The following LEF1 variants were observed in gnomAD, a reference collection of about 807,000 sequenced individuals.
LEF1 encodes lymphoid enhancer binding factor 1.
LEF1 carries 14 observed loss-of-function variants against 51.2 expected under a neutral mutation model. That is an observed-to-expected ratio of 0.27 (90% CI 0.18 to 0.43). The LOEUF is 0.43. Among genes scored for constraint, LEF1 ranks in the 20% least tolerant of loss-of-function variants. The pLI is 1.00. For missense variants in LEF1, 386 were observed against 512.0 expected, an observed-to-expected ratio of 0.75 and a Z score of 2.37; for synonymous variants, 185 against 183.2, an observed-to-expected ratio of 1.01 and a Z score of -0.08.
chr4:108,116,890 T>C (rs889913404), intron 3 of LEF1, among the ~76,000 whole-genome samples: 11 of 152,228 alleles, frequency 7.2e-5, no homozygotes, highest in Non-Finnish European at 1.3e-4. Flanking sequence ...GCTGGGCACA[T>C]CATAAGCACT....
chr4:108,085,553 C>G (rs1457532113), intron 4 of LEF1, among the ~76,000 whole-genome samples: 2 of 152,192 alleles, frequency 1.3e-5, no homozygotes, highest in Non-Finnish European at 2.9e-5. Flanking sequence ...CCGTACTACT[C>G]CATGTTCTAA....
rs200675002 is a variant in LEF1 at position 108,048,756 on chromosome 4, A to G, written c.*7-5T>C. On this transcript the variant is annotated splice_polypyrimidine_tract_variant and splice_region_variant and intron_variant, in intron 11 of 11. Coordinates refer to ENST00000265165, the MANE Select transcript of LEF1 (RefSeq NM_016269.5). ...GGAATGAGCTTCGTTTTCCACCTCA[A>G]GAAGGAACAAATGAAATGCTATTAA... The G allele has an allele frequency of 8.1e-6, 13 of 1,597,358 alleles. No homozygotes were observed. Among genetic ancestry groups the G allele is most frequent in the Admixed American group, 1.7e-5 (1 of 58,276 alleles).
At chr4:108,127,395 A>G (rs771687559) in intron 3 of LEF1, among the ~76,000 whole-genome samples, 1 of 152,230 alleles carries the variant, frequency 6.6e-6, no homozygotes. Context: ...GAATGCTGCT[A>G]TATATATCAC....
At chr4:108,092,690 C>A (rs977870481) in intron 3 of LEF1, among the ~76,000 whole-genome samples, 3 of 114,922 alleles carry the variant, frequency 2.6e-5, no homozygotes, top group Non-Finnish European at 6.7e-5. Context: ...AATAATCAAC[C>A]AACTATCTAA....
intron 3 of LEF1, among the ~76,000 whole-genome samples, chr4:108,163,222 T>A (rs1458046315): frequency 6.6e-6 from 1 of 152,220 alleles, no homozygotes; most frequent in Non-Finnish European, 1.5e-5. Flanking sequence ...AGCTATACAG[T>A]CCTTACTTAG....
chr4:108,108,599 C>T (rs1366840167), intron 3 of LEF1, among the ~76,000 whole-genome samples: 1 of 152,158 alleles, frequency 6.6e-6, no homozygotes, highest in East Asian at 1.9e-4. Context: ...AGAGCAGCCA[C>T]ACTGTCAGGA....
chr4:108,150,977 T>C (rs1409640547), intron 3 of LEF1, among the ~76,000 whole-genome samples: 1 of 152,216 alleles, frequency 6.6e-6, no homozygotes, highest in African/African-American at 2.4e-5. Flanking sequence ...GAAGTGATTT[T>C]GTGAGGCATT....
chr4:108,128,390 C>A (rs1238618782), intron 3 of LEF1, among the ~76,000 whole-genome samples: 9 of 151,626 alleles, frequency 5.9e-5, no homozygotes, highest in Non-Finnish European at 2.9e-5. Flanking sequence ...ACAACATAAA[C>A]AAAATTATTT....
intron 3 of LEF1, among the ~76,000 whole-genome samples, chr4:108,099,356 C>T (rs1227409340): frequency 2.0e-5 from 3 of 151,050 alleles, no homozygotes; most frequent in South Asian, 2.1e-4. Context: ...AAAAAATTGG[C>T]GTTTTTGAAA....
At chr4:108,076,075 C>A (rs1738837622) in intron 8 of LEF1, among the ~76,000 whole-genome samples, 1 of 152,130 alleles carries the variant, frequency 6.6e-6, no homozygotes, top group Admixed American at 6.5e-5. Flanking sequence ...ACATGCTACT[C>A]CATCTGCATG....
At chr4:108,062,936 A>G (rs955081486) in intron 11 of LEF1, among the ~76,000 whole-genome samples, 18 of 152,200 alleles carry the variant, frequency 1.2e-4, no homozygotes, top group Non-Finnish European at 2.6e-4. Context: ...TTAATTTACA[A>G]TGTCAGGTTC....
intron 3 of LEF1, among the ~76,000 whole-genome samples, chr4:108,157,770 G>C (rs1280434476): frequency 6.6e-6 from 1 of 152,204 alleles, no homozygotes; most frequent in Non-Finnish European, 1.5e-5. Context: ...CAGATTGAAG[G>C]CATGTGAGTA....
chr4:108,050,113 C>T (rs1218892544), intron 11 of LEF1, among the ~76,000 whole-genome samples: 1 of 152,192 alleles, frequency 6.6e-6, no homozygotes, highest in Non-Finnish European at 1.5e-5. Context: ...CAAAAACCAA[C>T]CAACCAACAA....
chr4:108,104,967 A>G (rs2110301086), intron 3 of LEF1, among the ~76,000 whole-genome samples: 1 of 152,116 alleles, frequency 6.6e-6, no homozygotes, highest in Non-Finnish European at 1.5e-5. Flanking sequence ...CTGCCAGGTG[A>G]GAGATAGGCA....
chr4:108,076,087 G>A (rs1285128481), intron 8 of LEF1, among the ~76,000 whole-genome samples: 2 of 152,080 alleles, frequency 1.3e-5, no homozygotes, highest in African/African-American at 2.4e-5. Context: ...ATCTGCATGT[G>A]GGGGAGTCTA....
At chr4:108,095,284 C>T (rs1740306775) in intron 3 of LEF1, among the ~76,000 whole-genome samples, 1 of 152,168 alleles carries the variant, frequency 6.6e-6, no homozygotes, top group South Asian at 2.1e-4. Context: ...ATGGGTTGCA[C>T]AGTTAGTAAG....
chr4:108,145,622 A>G (rs1743950780), intron 3 of LEF1, among the ~76,000 whole-genome samples: 1 of 152,214 alleles, frequency 6.6e-6, no homozygotes, highest in Non-Finnish European at 1.5e-5. Flanking sequence ...TCTGGAAGCA[A>G]GATGGAGCCA....
intron 9 of LEF1, among the ~76,000 whole-genome samples, chr4:108,068,341 G>A (rs1738223215): frequency 6.6e-6 from 1 of 152,156 alleles, no homozygotes; most frequent in African/African-American, 2.4e-5. Context: ...CTCAGGAGGA[G>A]GAAAACCACG....
intron 3 of LEF1, among the ~76,000 whole-genome samples, chr4:108,140,307 A>G (rs1438290308): frequency 6.6e-6 from 1 of 152,148 alleles, no homozygotes; most frequent in African/African-American, 2.4e-5. Flanking sequence ...ACTTTTTGAT[A>G]AGATAAAAAT....
Sources: allele counts gnomAD v4.1 joint callset (sites outside exome capture counted in the v4.1 genomes callset), GRCh38; gene constraint gnomAD v4.1.1; transcripts MANE v1.5; gene names NCBI Gene and HGNC (gene_info 2026-07-23, HGNC 2026-07-21).